The following TJAP1 variants were observed in gnomAD, a reference collection of about 807,000 sequenced individuals.
TJAP1 encodes the protein tight junction associated protein 1.
In TJAP1, 27 loss-of-function variants were observed where a neutral mutation model predicts 42.0. The observed-to-expected ratio is 0.64, with a 90% CI of 0.47 to 0.89. The LOEUF (loss-of-function observed/expected upper bound fraction) is 0.89. TJAP1 is among the 40% of genes least tolerant of loss of function. The pLI, the probability that TJAP1 is intolerant of heterozygous loss-of-function variation, is 0.00. For synonymous variants in TJAP1, 257 were observed against 288.4 expected, an observed-to-expected ratio of 0.89 and a Z score of 1.10; for missense variants, 712 against 726.9, an observed-to-expected ratio of 0.98 and a Z score of 0.24.
chr6:43,503,903 C>G (rs961366520), intron 10 of TJAP1, 197 bp downstream of exon 10: 5 of 713,180 alleles, frequency 7.0e-6, no homozygotes, highest in Non-Finnish European at 1.3e-5. Context: ...ATCACTAGTT[C>G]TGGGGGGCCA....
rs1207063129 is a variant in TJAP1, at chr6:43,491,765, G to T, written c.-121-6116G>T. ...AGGAATAAACAATACCTATTTATATGCATGTGGATTGAGCTTATAATGTAT... is the reference window on the plus strand; with the variant it reads ...AGGAATAAACAATACCTATTTATATTCATGTGGATTGAGCTTATAATGTAT... On this transcript the variant is annotated intron_variant, in intron 2 of 10. Transcript: ENST00000372449. The surrounding 1 kb of genome is among the most constrained non-coding windows in gnomAD (Gnocchi z 4.6). Among the ~76,000 whole-genome samples the T allele has an allele frequency of 1.3e-5, 2 of 152,192 alleles. No individual in the cohort carries two copies. The highest frequency in any genetic ancestry group is 4.8e-5 in the African/African-American group (2 of 41,446).
In TJAP1 at chr6:43,500,644, T is replaced by C. The variant is rs975723263; in HGVS notation, c.100-100T>C. 38 of 1,346,046 alleles carry C rather than the reference T, an allele frequency of 2.8e-5. No homozygotes were observed. The African/African-American group carries it at 5.5e-4, about 19-fold the overall frequency. 83.4% of individuals were successfully genotyped at this position (1,346,046 alleles called of 1,614,324 possible). A position where few individuals can be genotyped will look rare whatever the true frequency, so the allele number is the denominator to read the frequency against. The stretch of plus-strand genomic sequence containing the variant: ...AGCCCTCTTCTGCTATAAGAGTCTT[T>C]GGGCTTCACACCTGAGCCTTCTTGT... On this transcript the variant is annotated intron_variant, in intron 4 of 10. Transcript: ENST00000372449.
In TJAP1 at chr6:43,492,745, T is replaced by A. The variant is rs1788085183; in HGVS notation, c.-121-5136T>A. Among the ~76,000 whole-genome samples, 1 of 152,130 alleles carries A rather than the reference T, an allele frequency of 6.6e-6. No homozygotes were observed. The highest frequency in any genetic ancestry group is 1.5e-5 in the Non-Finnish European group (1 of 68,010). On this transcript the variant is annotated intron_variant, in intron 2 of 10. Transcript: ENST00000372449. This position sits in a 1 kb window ranked among gnomAD's most constrained non-coding sequence, Gnocchi z 4.2. The stretch of plus-strand genomic sequence containing the variant: ...CCAGGACCAAGGCCAGGTCACCTGG[T>A]TCCAGGGCTTACGCTTGCAGGGTGA...
At chr6:43,504,874 C>G (rs750856984) in exon 11 of TJAP1, 13 of 1,614,210 alleles carry the variant, frequency 8.1e-6, no homozygotes, top group Non-Finnish European at 1.1e-5. Flanking sequence ...CTACCTCAGT[C>G]ATTGCCCGAG....
rs144970974 is a variant in TJAP1, at chr6:43,489,058, T to C, written c.-121-8823T>C. Among the ~76,000 whole-genome samples, 865 of 152,286 alleles carry C rather than the reference T, an allele frequency of 5.7e-3. 5 individuals are homozygous for C. Among genetic ancestry groups the C allele is most frequent in the Middle Eastern group, 6.8e-3 (2 of 294 alleles). Reference sequence around the variant, plus strand: ...CTCTTGTCTTTTCCCTGCCAACATCTTACCCTCTGCTAAGCATCAGTGGGT... The same window carrying C: ...CTCTTGTCTTTTCCCTGCCAACATCCTACCCTCTGCTAAGCATCAGTGGGT... On this transcript the variant is annotated intron_variant, in intron 2 of 10. Coordinates refer to ENST00000372449, the Ensembl canonical transcript of TJAP1.
chr6:43,478,297 TAGAG>T (rs1357410610), intron 2 of TJAP1, 65 bp downstream of exon 2: 3 of 152,192 alleles, frequency 2.0e-5, no homozygotes, highest in Non-Finnish European at 2.9e-5. Context: ...TGCATGGGCT[TAGAG>T]TGATGCCAAG....
chr6:43,490,911 C>T (rs576489530), intron 2 of TJAP1, among the ~76,000 whole-genome samples: 2 of 152,334 alleles, frequency 1.3e-5, no homozygotes, highest in East Asian at 3.9e-4. Flanking sequence ...AGTCCCTTCT[C>T]CCTCCAGGCT....
intron 5 of TJAP1, 116 bp from the exon 6 acceptor site, chr6:43,501,410 G>A: frequency 1.1e-6 from 1 of 899,464 alleles, no homozygotes; most frequent in East Asian, 2.5e-5. Flanking sequence ...GAGTTTCCCT[G>A]TCCTGTTTGC....
At chr6:43,489,137 G>A (rs1292236805) in intron 2 of TJAP1, among the ~76,000 whole-genome samples, 1 of 152,180 alleles carries the variant, frequency 6.6e-6, no homozygotes, top group African/African-American at 2.4e-5. Flanking sequence ...ACATCTTGTG[G>A]GGTCTCTGGA....
At chr6:43,483,140 G>T (rs1785660466) in intron 2 of TJAP1, among the ~76,000 whole-genome samples, 1 of 150,360 alleles carries the variant, frequency 6.7e-6, no homozygotes, top group Non-Finnish European at 1.5e-5. Flanking sequence ...AAAAAAAAAA[G>T]TCTTCCCTTA....
intron 2 of TJAP1, among the ~76,000 whole-genome samples, chr6:43,490,211 T>A (rs969850126): frequency 1.3e-5 from 2 of 152,254 alleles, no homozygotes; most frequent in Non-Finnish European, 2.9e-5. Flanking sequence ...TGGGTGGGGA[T>A]GTGCCCCCTT....
intron 3 of TJAP1, among the ~76,000 whole-genome samples, chr6:43,498,653 C>A (rs574626865): frequency 1.3e-5 from 2 of 152,334 alleles, no homozygotes; most frequent in East Asian, 3.9e-4. Flanking sequence ...CCTTCAGAGC[C>A]CACAAAGGAG....
intron 2 of TJAP1, among the ~76,000 whole-genome samples, chr6:43,486,470 C>G (rs1303124165): frequency 6.6e-6 from 1 of 150,488 alleles, no homozygotes; most frequent in Non-Finnish European, 1.5e-5. Context: ...ATTCTCCTGT[C>G]CCAGCCTCCC....
intron 2 of TJAP1, among the ~76,000 whole-genome samples, chr6:43,488,209 C>T (rs543967612): frequency 1.9e-4 from 29 of 152,092 alleles, no homozygotes; most frequent in African/African-American, 6.8e-4. Flanking sequence ...CATTCCTCAC[C>T]AAAACTCAAT....
intron 2 of TJAP1, among the ~76,000 whole-genome samples, chr6:43,481,830 A>G (rs1785391272): frequency 6.6e-6 from 1 of 152,124 alleles, no homozygotes; most frequent in African/African-American, 2.4e-5. Context: ...CTTCTGAGTC[A>G]TGTCCTGTCT....
intron 2 of TJAP1, chr6:43,489,526 G>C (rs1274133737): frequency 6.6e-6 from 1 of 152,612 alleles, no homozygotes; most frequent in Non-Finnish European, 1.5e-5. Context: ...GGACTCTGCT[G>C]GCACTGGTGC....
At chr6:43,494,608 T>A (rs1258895384) in intron 2 of TJAP1, among the ~76,000 whole-genome samples, 1 of 56,312 alleles carries the variant, frequency 1.8e-5, no homozygotes, top group African/African-American at 7.1e-5. Context: ...AGGTTTAGTT[T>A]GGGGTGGGGG....
At chr6:43,501,741 CACACACACACACACACACTCTCTCT>C (rs1210153684) in intron 6 of TJAP1, 54 bp downstream of exon 6, 28 of 696,494 alleles carry the variant, frequency 4.0e-5, no homozygotes, top group Non-Finnish European at 6.3e-5. Context: ...CACACACACA[CACACACACACACACACACTCTCTCT>C]GTCTCTCTCT....
At chr6:43,502,767 C>G in intron 8 of TJAP1, 150 bp downstream of exon 8, 1 of 892,930 alleles carries the variant, frequency 1.1e-6, no homozygotes, top group Admixed American at 2.0e-5. Flanking sequence ...CTGTCAATGC[C>G]TCCCTCCCAG....
Sources: allele counts gnomAD v4.1 joint callset (sites outside exome capture counted in the v4.1 genomes callset), GRCh38; gene constraint gnomAD v4.1.1; non-coding constraint Gnocchi (gnomAD v3.1); transcripts MANE v1.5; gene names NCBI Gene and HGNC (gene_info 2026-07-23, HGNC 2026-07-21).